Variants in DYM observed in about 807,000 individuals in gnomAD.
The protein encoded by DYM is dyggve-Melchior-Clausen syndrome protein.
Under a neutral mutation model 93.1 loss-of-function variants are expected in DYM, and 78 were observed. The observed-to-expected ratio is 0.84, with a 90% confidence interval of 0.70 to 1.01. The LOEUF is 1.01. DYM is among the 50% of genes least tolerant of loss of function. The pLI is 0.00. For missense variants in DYM, 789 were observed against 845.0 expected (o/e 0.93, Z 0.82); for synonymous variants, 321 against 319.7 (o/e 1.00, Z -0.04).
chr18:49,229,571 G>A (rs564886717), intron 13 of DYM, among the ~76,000 whole-genome samples: 1 of 152,044 alleles, frequency 6.6e-6, no homozygotes, highest in African/African-American at 2.4e-5. Flanking sequence ...AACCATGAGT[G>A]AGCACCACAG....
intron 8 of DYM, among the ~76,000 whole-genome samples, chr18:49,292,615 AAAAAAAAAAACCCCC>A (rs2060230037): frequency 7.3e-6 from 1 of 137,580 alleles, no homozygotes; most frequent in Non-Finnish European, 1.6e-5. Flanking sequence ...AAAAAAAAAA[AAAAAAAAAAACCCCC>A]ACAAAAACCT....
intron 17 of DYM, among the ~76,000 whole-genome samples, chr18:49,080,288 C>T (rs1336186356): frequency 5.3e-5 from 7 of 132,294 alleles, no homozygotes; most frequent in South Asian, 2.6e-4. Context: ...GGCGGCGGGG[C>T]AGAGGCGCCC....
In DYM at chr18:49,392,255, A is replaced by G. The variant is rs184904524; in HGVS notation, c.141-610T>C. 2.3e-3 allele frequency among the ~76,000 whole-genome samples: 344 copies of G among 152,302 alleles called. 4 individuals carry two copies. Among genetic ancestry groups the G allele is most frequent in the Non-Finnish European group, 2.4e-3 (165 of 68,024 alleles). On this transcript the variant is annotated intron_variant, in intron 2 of 17. Coordinates refer to ENST00000675505, the MANE Select transcript of DYM (RefSeq NM_001353214.3). ...AGACAGAGACAGAAATAAAGCTTAGAAGAAAATATGTTTCTTGAGATTGCA... is the reference window on the plus strand; with the variant it reads ...AGACAGAGACAGAAATAAAGCTTAGGAGAAAATATGTTTCTTGAGATTGCA...
chr18:49,223,693 G>C (rs1043139411), intron 13 of DYM, among the ~76,000 whole-genome samples: 5 of 152,034 alleles, frequency 3.3e-5, no homozygotes, highest in Non-Finnish European at 7.4e-5. Context: ...TGCCTGAATA[G>C]ATAGGTAAGG....
At chr18:49,357,944 T>C (rs2065709441) in intron 6 of DYM, among the ~76,000 whole-genome samples, 1 of 152,070 alleles carries the variant, frequency 6.6e-6, no homozygotes, top group Non-Finnish European at 1.5e-5. Flanking sequence ...GAGCCCAGAA[T>C]TCAAGGCCAG....
At chr18:49,208,003 T>C (rs1364318821) in intron 14 of DYM, among the ~76,000 whole-genome samples, 2 of 151,764 alleles carry the variant, frequency 1.3e-5, no homozygotes, top group African/African-American at 4.8e-5. Flanking sequence ...GCCAACATGG[T>C]GAAACACTGT....
intron 7 of DYM, 97 bp downstream of exon 7, chr18:49,333,631 G>T: frequency 7.6e-7 from 1 of 1,309,714 alleles, no homozygotes; most frequent in Non-Finnish European, 1.1e-6. Flanking sequence ...GGAAATACCT[G>T]GTTGGAGATA....
chr18:49,441,150 ATAAT>A, intron 1 of DYM, among the ~76,000 whole-genome samples: 2 of 16,560 alleles, frequency 1.2e-4, no homozygotes, highest in African/African-American at 1.9e-4. Context: ...ATTATATAAT[ATAAT>A]ATATATTATA....
chr18:49,079,152 A>G (rs1472199797), intron 17 of DYM, among the ~76,000 whole-genome samples: 4 of 152,114 alleles, frequency 2.6e-5, no homozygotes, highest in Non-Finnish European at 5.9e-5. Context: ...TTCTCGGCTG[A>G]GACATCTCCT....
chr18:49,303,300 A>G (rs1159811221), intron 8 of DYM, among the ~76,000 whole-genome samples: 1 of 152,172 alleles, frequency 6.6e-6, no homozygotes, highest in African/African-American at 2.4e-5. Context: ...GGCCTGCTCA[A>G]ATTCCTCAAA....
At chr18:49,155,831 G>A (rs2144852544) in intron 15 of DYM, among the ~76,000 whole-genome samples, 1 of 152,272 alleles carries the variant, frequency 6.6e-6, no homozygotes, top group African/African-American at 2.4e-5. Flanking sequence ...GGACACTTCA[G>A]TTGTTTCCAT....
chr18:49,247,486 T>C (rs2094198106), intron 13 of DYM, among the ~76,000 whole-genome samples: 1 of 152,118 alleles, frequency 6.6e-6, no homozygotes, highest in Non-Finnish European at 1.5e-5. Flanking sequence ...GGCTTAATAA[T>C]TCATGGCTAA....
chr18:49,421,736 C>T (rs538043948), intron 2 of DYM, among the ~76,000 whole-genome samples: 29 of 152,196 alleles, frequency 1.9e-4, no homozygotes, highest in Non-Finnish European at 2.5e-4. Context: ...GAAACCATCG[C>T]GAAGAAGCTA....
chr18:49,432,772 C>A (rs1037425763), intron 1 of DYM, among the ~76,000 whole-genome samples: 1 of 151,814 alleles, frequency 6.6e-6, no homozygotes, highest in Non-Finnish European at 1.5e-5. Context: ...GCCACCAAAG[C>A]CCAGCTAATA....
At chr18:49,341,047 C>T (rs1183534136) in intron 6 of DYM, among the ~76,000 whole-genome samples, 1 of 152,206 alleles carries the variant, frequency 6.6e-6, no homozygotes, top group Non-Finnish European at 1.5e-5. Flanking sequence ...TTATTTGTAA[C>T]CCCCAAATCA....
intron 3 of DYM, among the ~76,000 whole-genome samples, chr18:49,384,321 C>CAAA (rs2068353713): frequency 5.6e-5 from 3 of 53,232 alleles, no homozygotes; most frequent in Non-Finnish European, 7.1e-5. Context: ...GACCATGTCT[C>CAAA]CAAAAAAAAA....
chr18:49,383,606 T>G (rs1192569788), intron 3 of DYM, among the ~76,000 whole-genome samples: 1 of 152,264 alleles, frequency 6.6e-6, no homozygotes, highest in African/African-American at 2.4e-5. Flanking sequence ...ACAGCCTCTC[T>G]GGGAGCAAAC....
intron 14 of DYM, among the ~76,000 whole-genome samples, chr18:49,175,226 G>A (rs17776378): frequency 0.015 from 2,294 of 152,230 alleles, 29 homozygotes; most frequent in Non-Finnish European, 0.025. Flanking sequence ...GCACAACATG[G>A]TCTAAAATAT....
At chr18:49,135,107 T>G (rs1316035776) in intron 15 of DYM, among the ~76,000 whole-genome samples, 1 of 151,696 alleles carries the variant, frequency 6.6e-6, no homozygotes, top group Non-Finnish European at 1.5e-5. Flanking sequence ...AAACTCCATC[T>G]CGGAAAAAAA....
Sources: gnomAD v4.1 joint callset for allele counts (sites outside exome capture counted in the v4.1 genomes callset) on GRCh38, gnomAD v4.1.1 for gene constraint, MANE v1.5 for transcripts, NCBI Gene and HGNC (gene_info 2026-07-23, HGNC 2026-07-21) for gene names.